Variants in FMN1 observed in about 807,000 individuals in gnomAD.
FMN1 encodes the protein formin 1, also known as formin-1.
A neutral mutation model predicts 132.4 loss-of-function variants in FMN1; 110 were observed. That is an observed-to-expected ratio of 0.83 (90% CI 0.71 to 0.97). The LOEUF (loss-of-function observed/expected upper bound fraction) is 0.97, where lower values mean the gene tolerates loss of function less well. Ranked by LOEUF, FMN1 falls within the 50% of genes least tolerant of loss-of-function variation. The probability of loss-of-function intolerance (pLI) is 0.00; values close to 1 mark genes in which losing one functional copy is unlikely to be tolerated. For synonymous variants in FMN1, 722 were observed against 651.7 expected (o/e 1.11, Z -1.64); for missense variants, 1,792 against 1,705.3 (o/e 1.05, Z -0.90).
At chr15:32,798,283 A>C (rs1467681651) in intron 19 of FMN1, among the ~76,000 whole-genome samples, 1 of 152,034 alleles carries the variant, frequency 6.6e-6, no homozygotes, top group Non-Finnish European at 1.5e-5. Flanking sequence ...GGCTGCAACG[A>C]GGCTGAGCGG....
intron 4 of FMN1, among the ~76,000 whole-genome samples, chr15:33,096,881 C>T (rs181082189): frequency 6.6e-6 from 1 of 152,328 alleles, no homozygotes; most frequent in Admixed American, 6.5e-5. Context: ...GGATTACAGG[C>T]ATGCACCAAC....
intron 4 of FMN1, among the ~76,000 whole-genome samples, chr15:33,132,600 C>T (rs1963595629): frequency 6.6e-6 from 1 of 152,174 alleles, no homozygotes; most frequent in Admixed American, 6.5e-5. Flanking sequence ...GGATACTCAC[C>T]ACACCTAAGA....
chr15:32,800,706 G>C (rs1332854647), intron 18 of FMN1, among the ~76,000 whole-genome samples: 1 of 152,152 alleles, frequency 6.6e-6, no homozygotes, highest in East Asian at 1.9e-4. Context: ...ATTATTCCCT[G>C]GTAGGGTTGG....
intron 4 of FMN1, 116 bp downstream of exon 4, chr15:33,152,932 A>C: frequency 5.9e-6 from 6 of 1,012,456 alleles, no homozygotes; most frequent in South Asian, 1.8e-5. Flanking sequence ...AAGTGAAGTA[A>C]TAGGCCTAGG....
At chr15:32,875,938 G>C (rs1191067748) in intron 16 of FMN1, among the ~76,000 whole-genome samples, 1 of 152,180 alleles carries the variant, frequency 6.6e-6, no homozygotes, top group Non-Finnish European at 1.5e-5. Flanking sequence ...TCCCGGCCAT[G>C]CTGCTTCCTA....
chr15:33,025,842 ATCTT>A (rs1473640986), intron 6 of FMN1, among the ~76,000 whole-genome samples: 1 of 152,192 alleles, frequency 6.6e-6, no homozygotes, highest in Non-Finnish European at 1.5e-5. Context: ...GATTCAGAAT[ATCTT>A]TCAAGAACTT....
intron 7 of FMN1, among the ~76,000 whole-genome samples, chr15:32,971,199 A>C (rs1262486205): frequency 6.6e-6 from 1 of 152,276 alleles, no homozygotes; most frequent in Non-Finnish European, 1.5e-5. Context: ...AGTAGGCATT[A>C]TGCCTGGAAC....
At chr15:33,193,802 T>C (rs556176920) in intron 2 of FMN1, 107 bp downstream of exon 2, 1 of 152,042 alleles carries the variant, frequency 6.6e-6, no homozygotes, top group Non-Finnish European at 1.5e-5. Context: ...TGCTCCCAGC[T>C]ACTTGTTCTT....
chr15:32,911,417 A>G (rs1407221997), intron 10 of FMN1, among the ~76,000 whole-genome samples: 2 of 152,182 alleles, frequency 1.3e-5, no homozygotes, highest in Non-Finnish European at 1.5e-5. Flanking sequence ...TGGCAGGCTA[A>G]TTAATTTTAT....
chr15:33,127,789 C>T (rs1030662934), intron 4 of FMN1, among the ~76,000 whole-genome samples: 1 of 152,208 alleles, frequency 6.6e-6, no homozygotes, highest in South Asian at 2.1e-4. Context: ...TAGAGAACTA[C>T]ATCTTGCCAC....
chr15:33,172,418 T>C (rs1196770447), intron 3 of FMN1, among the ~76,000 whole-genome samples: 1 of 152,110 alleles, frequency 6.6e-6, no homozygotes, highest in African/African-American at 2.4e-5. Context: ...GGAGGAGGAA[T>C]AGCAAGACGA....
intron 4 of FMN1, among the ~76,000 whole-genome samples, chr15:33,110,935 C>T (rs951237616): frequency 6.6e-6 from 1 of 152,058 alleles, no homozygotes; most frequent in East Asian, 1.9e-4. Flanking sequence ...TTACATTTTT[C>T]AAGATGCCTT....
intron 4 of FMN1, among the ~76,000 whole-genome samples, chr15:33,117,827 A>ACC (rs1285809112): frequency 3.9e-5 from 6 of 152,210 alleles, no homozygotes; most frequent in Admixed American, 6.6e-5. Flanking sequence ...CATACTCAGG[A>ACC]CCATGTAGCA....
chr15:32,886,338 C>G (rs1435857997), intron 16 of FMN1, among the ~76,000 whole-genome samples: 1 of 152,148 alleles, frequency 6.6e-6, no homozygotes, highest in East Asian at 1.9e-4. Flanking sequence ...AGAAAAGTAA[C>G]TGAGACAATG....
At chr15:32,864,347 G>A (rs1355261253) in intron 16 of FMN1, among the ~76,000 whole-genome samples, 1 of 152,130 alleles carries the variant, frequency 6.6e-6, no homozygotes, top group Non-Finnish European at 1.5e-5. Flanking sequence ...ATCTATTCAA[G>A]GAGACACCGA....
At chr15:32,855,157 T>TAAAAAAAAA (rs750275479) in intron 17 of FMN1, among the ~76,000 whole-genome samples, 5 of 85,534 alleles carry the variant, frequency 5.8e-5, no homozygotes, top group African/African-American at 8.1e-5. Context: ...ACGTGGAGAG[T>TAAAAAAAAA]AAAAAAAAAA....
intron 10 of FMN1, among the ~76,000 whole-genome samples, chr15:32,923,853 T>C (rs1275921076): frequency 1.3e-5 from 2 of 152,092 alleles, no homozygotes; most frequent in African/African-American, 4.8e-5. Context: ...CGGAATATAG[T>C]CTAAGGTTAT....
chr15:33,056,027 T>A (rs2037200567), intron 6 of FMN1, among the ~76,000 whole-genome samples: 1 of 152,144 alleles, frequency 6.6e-6, no homozygotes, highest in African/African-American at 2.4e-5. Context: ...CAGAATGAGC[T>A]CAAATTAGAA....
At chr15:33,054,861 G>C (rs1229326686) in intron 6 of FMN1, among the ~76,000 whole-genome samples, 1 of 152,136 alleles carries the variant, frequency 6.6e-6, no homozygotes, top group African/African-American at 2.4e-5. Flanking sequence ...ATCTTACATG[G>C]AAATACAAAG....
Sources: allele counts gnomAD v4.1 joint callset (sites outside exome capture counted in the v4.1 genomes callset), GRCh38; gene constraint gnomAD v4.1.1; transcripts MANE v1.5; gene names NCBI Gene and HGNC (gene_info 2026-07-23, HGNC 2026-07-21).